The following ZNF81 variants were observed in gnomAD, a reference collection of about 807,000 sequenced individuals.
ZNF81 encodes zinc finger protein 81 (HFZ20).
Under a neutral mutation model 32.3 loss-of-function variants are expected in ZNF81, and 5 were observed. The ratio of observed to expected loss-of-function variants is 0.15; its 90% CI spans 0.08 to 0.33. ZNF81 has a LOEUF of 0.33. ZNF81 is among the 10% of genes least tolerant of loss of function. The pLI is 1.00. For missense variants in ZNF81, 379 were observed against 479.8 expected, an observed-to-expected ratio of 0.79 and a Z score of 1.96; for synonymous variants, 163 against 166.8, an observed-to-expected ratio of 0.98 and a Z score of 0.17.
rs782804305 is a variant in ZNF81, at chrX:47,841,021, G to A, written c.-164+4034G>A. On this transcript the variant is annotated intron_variant, in intron 1 of 4. Coordinates refer to ENST00000338637, the MANE Select transcript of ZNF81 (RefSeq NM_007137.5). ...TTCACCCCGATAGCCAGGTGTGCCC[G>A]TCTCCTTGAGGAAGCCTACTCTATT... 108 of 843,195 alleles carry A rather than the reference G, an allele frequency of 1.3e-4. No homozygotes were observed. The South Asian group carries it at 1.4e-3, about 11-fold the overall frequency. The allele number at this position is 843,195 out of a possible 1,213,427, so 69.5% of individuals were successfully genotyped here. A position where few individuals can be genotyped will look rare whatever the true frequency, so the allele number is the denominator to read the frequency against.
At chrX:47,912,759 G>T (rs782331520) in intron 4 of ZNF81, among the ~76,000 whole-genome samples, 1 of 109,956 alleles carries the variant, frequency 9.1e-6, no homozygotes, top group African/African-American at 3.3e-5. Flanking sequence ...CGGGTGTGGA[G>T]AAAACATGCC....
chrX:47,856,674 G>T (rs1191697564), intron 2 of ZNF81, among the ~76,000 whole-genome samples: 1 of 111,882 alleles, frequency 8.9e-6, no homozygotes, highest in Non-Finnish European at 1.9e-5. Flanking sequence ...GCCGGGCGCG[G>T]TGGCTCATAC....
chrX:47,895,115 C>A (rs2058675146), intron 3 of ZNF81, among the ~76,000 whole-genome samples: 1 of 110,964 alleles, frequency 9.0e-6, no homozygotes, highest in African/African-American at 3.3e-5. Flanking sequence ...GACTAGAGGG[C>A]AGACTCTTGT....
At chrX:47,861,032 C>G (rs968191987) in intron 2 of ZNF81, 1 of 111,856 alleles carries the variant, frequency 8.9e-6, no homozygotes, top group Admixed American at 9.4e-5. Context: ...TATAATAAAC[C>G]AGTAAATGTA....
At chrX:47,908,584 G>A (rs782581208) in intron 4 of ZNF81, among the ~76,000 whole-genome samples, 1 of 111,964 alleles carries the variant, frequency 8.9e-6, no homozygotes, top group East Asian at 2.8e-4. Context: ...AAATGTACAA[G>A]AATGCTCATA....
intron 4 of ZNF81, among the ~76,000 whole-genome samples, chrX:47,898,427 T>C (rs2058687175): frequency 8.9e-6 from 1 of 111,767 alleles, no homozygotes; most frequent in Non-Finnish European, 1.9e-5. Context: ...AATAAGAAAA[T>C]ATAGTTAATA....
intron 3 of ZNF81, among the ~76,000 whole-genome samples, chrX:47,892,533 T>G (rs1556886595): frequency 3.6e-5 from 4 of 112,050 alleles, no homozygotes. Context: ...GTTCTGGCAT[T>G]TCAACTTCAT....
chrX:47,889,685 G>A (rs1198259632), intron 3 of ZNF81, among the ~76,000 whole-genome samples: 1 of 112,199 alleles, frequency 8.9e-6, no homozygotes. Flanking sequence ...TTCGCTCACG[G>A]TTCTGCAGGC....
At chrX:47,872,889 T>C (rs1341916151) in intron 2 of ZNF81, among the ~76,000 whole-genome samples, 1 of 111,913 alleles carries the variant, frequency 8.9e-6, no homozygotes, top group Non-Finnish European at 1.9e-5. Flanking sequence ...CTATTTTTAT[T>C]GATTCGATAT....
At chrX:47,909,341 C>T in intron 4 of ZNF81, among the ~76,000 whole-genome samples, 1 of 111,616 alleles carries the variant, frequency 9.0e-6, no homozygotes, top group Middle Eastern at 4.7e-3. Flanking sequence ...ATTTAGGTTT[C>T]CCCTTTGTTA....
In ZNF81 at chrX:47,916,852, TA is replaced by T. The variant is rs1402315943; in HGVS notation, c.*224del. 2.9e-6 allele frequency: 1 copy of T among 345,652 alleles called. No homozygotes were observed. Among genetic ancestry groups the T allele is most frequent in the Non-Finnish European group, 4.8e-6 (1 of 207,026 alleles). The allele number at this position is 345,652 out of a possible 1,213,427, so 28.5% of individuals were successfully genotyped here. On this transcript the variant is annotated 3_prime_UTR_variant, in exon 5 of 5. Transcript: ENST00000338637. The stretch of plus-strand genomic sequence containing the variant: ...ATTTGCACAGCCTCATGAAATATAG[TA>T]AAAGTCATACTGGGAAAAATGTTGT...
Position 47,924,124 on chromosome X carries a change from T to C in ZNF81, c.*7492T>C, listed in dbSNP as rs2058784684. ...TCAAAAGGGCTGGTTTAGTGATTTCTTTAGTCTTCTAACTCCCCCTTCTAA... is the reference window on the plus strand; with the variant it reads ...TCAAAAGGGCTGGTTTAGTGATTTCCTTAGTCTTCTAACTCCCCCTTCTAA... On this transcript the variant is annotated 3_prime_UTR_variant, in exon 5 of 5. Coordinates refer to ENST00000338637, the MANE Select transcript of ZNF81 (RefSeq NM_007137.5). 2.7e-5 allele frequency among the ~76,000 whole-genome samples: 3 copies of C among 112,133 alleles called. No homozygotes were observed. Among genetic ancestry groups the C allele is most frequent in the African/African-American group, 9.7e-5 (3 of 30,837 alleles).
At chrX:47,895,106 A>G (rs945414541) in intron 3 of ZNF81, among the ~76,000 whole-genome samples, 2 of 110,851 alleles carry the variant, frequency 1.8e-5, no homozygotes, top group East Asian at 2.8e-4. Context: ...ATTTTGGGGG[A>G]CTAGAGGGCA....
intron 2 of ZNF81, among the ~76,000 whole-genome samples, chrX:47,847,106 T>C (rs984899412): frequency 8.9e-6 from 1 of 112,459 alleles, no homozygotes; most frequent in Non-Finnish European, 1.9e-5. Context: ...TAGGTATTAA[T>C]CACAGTGATA....
At position 47,916,664 on chromosome X, in the gene ZNF81, T is replaced by C; in HGVS notation, c.*32T>C. The C allele has an allele frequency of 1.7e-6, 2 of 1,177,216 alleles. No individual in the cohort carries two copies. Among genetic ancestry groups the C allele is most frequent in the Non-Finnish European group, 2.3e-6 (2 of 879,814 alleles). On this transcript the variant is annotated 3_prime_UTR_variant, in exon 5 of 5. Coordinates refer to ENST00000338637, the MANE Select transcript of ZNF81 (RefSeq NM_007137.5). ...TCCTGTTTCTTGAAAATGAGAGCCT[T>C]ATAAGGCTGACAAAAGTCAGGTCTA...
intron 1 of ZNF81, among the ~76,000 whole-genome samples, chrX:47,843,816 C>T (rs782004410): frequency 1.8e-5 from 2 of 112,317 alleles, no homozygotes; most frequent in South Asian, 3.6e-4. Flanking sequence ...TGAGCCACTG[C>T]GCCTGGCTAC....
In ZNF81 at chrX:47,918,522, T is replaced by C. The variant is rs905535088; in HGVS notation, c.*1890T>C. 11 of 111,467 alleles carry C rather than the reference T, an allele frequency of 9.9e-5. No individual in the cohort carries two copies. Among genetic ancestry groups the C allele is most frequent in the African/African-American group, 3.6e-4 (11 of 30,581 alleles). The allele number at this position is 111,467 out of a possible 1,213,427, so 9.2% of individuals were successfully genotyped here. ...AAGGAGTAGATCCAAACCAGATTCA[T>C]AGGAAACTCACAAAGTTTTTAATAG... On this transcript the variant is annotated 3_prime_UTR_variant, in exon 5 of 5. Transcript: ENST00000338637.
intron 3 of ZNF81, among the ~76,000 whole-genome samples, chrX:47,894,493 G>C (rs1382289101): frequency 9.0e-6 from 1 of 111,692 alleles, no homozygotes; most frequent in African/African-American, 3.3e-5. Context: ...GAAGTGGTCG[G>C]GTGGGAGTTT....
At chrX:47,872,270 G>A (rs2058583361) in intron 2 of ZNF81, among the ~76,000 whole-genome samples, 1 of 111,837 alleles carries the variant, frequency 8.9e-6, no homozygotes, top group Non-Finnish European at 1.9e-5. Context: ...TTTGTTTAGT[G>A]AGGCCATATG....
Sources: gnomAD v4.1 joint callset for allele counts (sites outside exome capture counted in the v4.1 genomes callset) on GRCh38, gnomAD v4.1.1 for gene constraint, MANE v1.5 for transcripts, NCBI Gene and HGNC (gene_info 2026-07-23, HGNC 2026-07-21) for gene names.